The following ACOT13 variants were observed in gnomAD, a reference collection of about 807,000 sequenced individuals.
ACOT13 encodes the protein acyl-coenzyme A thioesterase 13.
In ACOT13, 10 loss-of-function variants were observed where a neutral mutation model predicts 11.8. The ratio of observed to expected loss-of-function variants is 0.85; its 90% confidence interval spans 0.53 to 1.44. The LOEUF (loss-of-function observed/expected upper bound fraction) is 1.44. Among genes scored for constraint, ACOT13 ranks in the 40% most tolerant of loss-of-function variants. ACOT13 has a pLI of 0.00. For synonymous variants in ACOT13, 53 were observed against 61.0 expected (o/e 0.87, Z 0.61); for missense variants, 172 against 174.1 (o/e 0.99, Z 0.07).
At chr6:24,676,002 T>G (rs917317915) in intron 1 of ACOT13, among the ~76,000 whole-genome samples, 3 of 152,252 alleles carry the variant, frequency 2.0e-5, no homozygotes, top group Non-Finnish European at 4.4e-5. Flanking sequence ...ATTTCTTGTT[T>G]TTGTCAGGTT....
chr6:24,699,411 C>T lies in ACOT13; in HGVS notation c.266+1344C>T, dbSNP rs568597548. ...ATTTTTAGTAGAGATGGGGTTTCAC[C>T]GTGTTAGCCAGGCTGGTCTCGATCT... On this transcript the variant is annotated intron_variant, in intron 2 of 2. Coordinates refer to ENST00000230048, the MANE Select transcript of ACOT13 (RefSeq NM_018473.4). Among the ~76,000 whole-genome samples, 24 of 152,204 alleles carry T rather than the reference C, an allele frequency of 1.6e-4. 1 individual carries two copies. In the East Asian group the frequency reaches 2.1e-3, roughly 13 times the overall value.
intron 1 of ACOT13, among the ~76,000 whole-genome samples, chr6:24,675,726 T>C (rs1205944831): frequency 6.6e-6 from 1 of 152,244 alleles, no homozygotes; most frequent in Non-Finnish European, 1.5e-5. Flanking sequence ...CAGAAGCTCT[T>C]TAGTTTAATT....
chr6:24,684,415 T>A (rs1778598085), intron 1 of ACOT13, among the ~76,000 whole-genome samples: 1 of 152,218 alleles, frequency 6.6e-6, no homozygotes, highest in Non-Finnish European at 1.5e-5. Flanking sequence ...TTGCCATGGG[T>A]TGGATTGCCT....
rs143039593 is a variant in ACOT13, at chr6:24,678,705, A to G, written c.81+11361A>G. Among the ~76,000 whole-genome samples, 459 of 152,298 alleles carry G rather than the reference A, an allele frequency of 3.0e-3. 2 individuals carry two copies. Among genetic ancestry groups the G allele is most frequent in the African/African-American group, 0.01 (416 of 41,556 alleles). On this transcript the variant is annotated intron_variant, in intron 1 of 2. Coordinates refer to ENST00000230048, the MANE Select transcript of ACOT13 (RefSeq NM_018473.4). Reference sequence around the variant, plus strand: ...TGCTTTTGCTAGAATGTCTCCCCCTAACAAGGGAGTGGGGCTTTCAGGCAT... The same window carrying G: ...TGCTTTTGCTAGAATGTCTCCCCCTGACAAGGGAGTGGGGCTTTCAGGCAT...
At chr6:24,682,328 A>G (rs962730982) in intron 1 of ACOT13, among the ~76,000 whole-genome samples, 5 of 152,098 alleles carry the variant, frequency 3.3e-5, no homozygotes, top group African/African-American at 1.2e-4. Flanking sequence ...AGCTCCCAAG[A>G]TGGTTGTGGG....
At chr6:24,692,850 C>G (rs1778739587) in intron 1 of ACOT13, among the ~76,000 whole-genome samples, 1 of 152,236 alleles carries the variant, frequency 6.6e-6, no homozygotes, top group African/African-American at 2.4e-5. Flanking sequence ...GTACTCTCAA[C>G]CATTAAGCGG....
intron 1 of ACOT13, among the ~76,000 whole-genome samples, chr6:24,681,155 A>G (rs1210431394): frequency 6.8e-6 from 1 of 147,426 alleles, no homozygotes; most frequent in Non-Finnish European, 1.5e-5. Flanking sequence ...ATACTTTAAG[A>G]TTTTTGATTT....
At chr6:24,670,671 A>C (rs1343205218) in intron 1 of ACOT13, among the ~76,000 whole-genome samples, 1 of 152,248 alleles carries the variant, frequency 6.6e-6, no homozygotes, top group Non-Finnish European at 1.5e-5. Context: ...AATTCTGGAG[A>C]AATCAGGTAG....
chr6:24,690,861 CACTTAT>C (rs1218827735), intron 1 of ACOT13, among the ~76,000 whole-genome samples: 1 of 152,230 alleles, frequency 6.6e-6, no homozygotes, highest in African/African-American at 2.4e-5. Context: ...CTGCCATTTT[CACTTAT>C]CCTTCAAAGT....
chr6:24,682,028 C>A (rs558011880), intron 1 of ACOT13, among the ~76,000 whole-genome samples: 1 of 152,168 alleles, frequency 6.6e-6, no homozygotes, highest in Admixed American at 6.5e-5. Flanking sequence ...AGTCAGCCCT[C>A]GGATTCCCCA....
chr6:24,670,818 A>T (rs974228328), intron 1 of ACOT13, among the ~76,000 whole-genome samples: 1 of 152,156 alleles, frequency 6.6e-6, no homozygotes, highest in Non-Finnish European at 1.5e-5. Context: ...AAAAGTCAAA[A>T]AGATTAGTTC....
At chr6:24,680,971 C>T (rs1044865915) in intron 1 of ACOT13, among the ~76,000 whole-genome samples, 6 of 152,068 alleles carry the variant, frequency 3.9e-5, no homozygotes, top group African/African-American at 1.2e-4. Context: ...TGGTTTTTTC[C>T]CTCAATCACC....
chr6:24,667,540 A>G (rs1317135767), intron 1 of ACOT13, among the ~76,000 whole-genome samples, 196 bp downstream of exon 1: 2 of 152,200 alleles, frequency 1.3e-5, no homozygotes, highest in Non-Finnish European at 2.9e-5. Flanking sequence ...TAAGTTCTCT[A>G]TCTAAACATA....
chr6:24,689,688 G>GT (rs2127626248), intron 1 of ACOT13, among the ~76,000 whole-genome samples: 1 of 152,196 alleles, frequency 6.6e-6, no homozygotes, highest in East Asian at 1.9e-4. Flanking sequence ...GTAGGAAATT[G>GT]TACTTCTATG....
chr6:24,700,456 G>C (rs1472785409), intron 2 of ACOT13, among the ~76,000 whole-genome samples: 2 of 96,302 alleles, frequency 2.1e-5, no homozygotes, highest in Non-Finnish European at 3.7e-5. Flanking sequence ...TTTTTTGTGA[G>C]ATGGAATCTT....
At position 24,703,907 on chromosome 6, in the gene ACOT13, A is replaced by G. The variant is rs1262733982; in HGVS notation, c.*2292A>G. 6.6e-6 allele frequency: 1 copy of G among 152,238 alleles called. No individual in the cohort carries two copies. Among genetic ancestry groups the G allele is most frequent in the Non-Finnish European group, 1.5e-5 (1 of 68,048 alleles). The allele number at this position is 152,238 out of a possible 1,614,324, so 9.4% of individuals were successfully genotyped here. On this transcript the variant is annotated 3_prime_UTR_variant, in exon 3 of 3. Transcript: ENST00000230048. ...AAATGCAAAATGAGTAACAATTTAC[A>G]AGAAAAATTGCCCTGTACTCCAAAA...
At chr6:24,679,268 G>C (rs554227871) in intron 1 of ACOT13, among the ~76,000 whole-genome samples, 2 of 152,080 alleles carry the variant, frequency 1.3e-5, no homozygotes, top group Non-Finnish European at 2.9e-5. Context: ...TGCTTCTCCT[G>C]ATCTGTATTA....
At chr6:24,683,484 C>T (rs1562158659) in intron 1 of ACOT13, among the ~76,000 whole-genome samples, 2 of 151,930 alleles carry the variant, frequency 1.3e-5, no homozygotes, top group African/African-American at 4.8e-5. Flanking sequence ...TGCAGTGAGC[C>T]GAGATTGTGC....
intron 1 of ACOT13, among the ~76,000 whole-genome samples, chr6:24,677,598 A>G (rs1778476810): frequency 6.6e-6 from 1 of 152,180 alleles, no homozygotes; most frequent in Admixed American, 6.5e-5. Flanking sequence ...TTCTTTTGCG[A>G]CATATAAAGA....
Sources: gnomAD v4.1 joint callset for allele counts (sites outside exome capture counted in the v4.1 genomes callset) on GRCh38, gnomAD v4.1.1 for gene constraint, MANE v1.5 for transcripts, NCBI Gene and HGNC (gene_info 2026-07-23, HGNC 2026-07-21) for gene names.